CRACD: variants seen among roughly 807,000 people sequenced by gnomAD.
CRACD encodes the protein capping protein-inhibiting regulator of actin dynamics.
In CRACD, 56 loss-of-function variants were observed where a neutral mutation model predicts 106.8. The ratio of observed to expected loss-of-function variants is 0.52; its 90% confidence interval spans 0.42 to 0.66. The LOEUF (loss-of-function observed/expected upper bound fraction) is 0.66, where lower values mean the gene tolerates loss of function less well. CRACD is among the 30% of genes least tolerant of loss of function. CRACD has a pLI of 0.00. For missense variants in CRACD, 1,730 were observed against 1,623.2 expected, an observed-to-expected ratio of 1.07 and a Z score of -1.13; for synonymous variants, 754 against 670.8, an observed-to-expected ratio of 1.12 and a Z score of -1.92.
chr4:56,300,427 GTTCTAGC>G (rs1744303927), intron 4 of CRACD, among the ~76,000 whole-genome samples: 1 of 152,178 alleles, frequency 6.6e-6, no homozygotes, highest in East Asian at 1.9e-4. Flanking sequence ...TCCATTCTTG[GTTCTAGC>G]TGGCCGTGCT....
intron 1 of CRACD, among the ~76,000 whole-genome samples, chr4:56,143,399 T>C (rs2109880568): frequency 6.6e-6 from 1 of 152,246 alleles, no homozygotes; most frequent in African/African-American, 2.4e-5. Context: ...AGCTAAAATA[T>C]ATAAAACAAT....
chr4:56,233,842 A>C (rs1739788300), intron 2 of CRACD, among the ~76,000 whole-genome samples: 1 of 152,174 alleles, frequency 6.6e-6, no homozygotes, highest in South Asian at 2.1e-4. Context: ...ATATCTCTTC[A>C]ATTATTAAGT....
intron 2 of CRACD, among the ~76,000 whole-genome samples, chr4:56,240,853 A>G (rs1740327461): frequency 6.6e-6 from 1 of 152,144 alleles, no homozygotes; most frequent in Admixed American, 6.5e-5. Context: ...TTATTTCAGA[A>G]ACTTATTCTT....
chr4:56,205,473 T>C (rs1993916), intron 2 of CRACD, among the ~76,000 whole-genome samples: 69,903 of 151,736 alleles, frequency 0.46, 16,770 homozygotes, highest in East Asian at 0.72. Flanking sequence ...ATACCAAGCG[T>C]GCCCCGATAA....
chr4:56,259,841 A>G (rs61000253), intron 2 of CRACD, among the ~76,000 whole-genome samples: 74,583 of 151,948 alleles, frequency 0.49, 19,406 homozygotes, highest in East Asian at 0.77. Flanking sequence ...CTGCTGTACA[A>G]TGGAAGTGAG....
intron 3 of CRACD, among the ~76,000 whole-genome samples, chr4:56,287,071 T>C (rs983776938): frequency 8.5e-5 from 13 of 152,168 alleles, no homozygotes; most frequent in African/African-American, 3.1e-4. Flanking sequence ...TGTATTTTGA[T>C]GTATTTGCTG....
intron 2 of CRACD, among the ~76,000 whole-genome samples, chr4:56,239,750 A>G (rs1740247531): frequency 2.0e-5 from 3 of 152,198 alleles, no homozygotes; most frequent in African/African-American, 2.4e-5. Context: ...AGAGTCAGTG[A>G]GCATTCAGCT....
chr4:56,103,362 G>A (rs967241959), intron 1 of CRACD, among the ~76,000 whole-genome samples: 33 of 152,216 alleles, frequency 2.2e-4, no homozygotes, highest in Non-Finnish European at 2.4e-4. Context: ...AGCACTTTGG[G>A]ATGCCATTGC....
At chr4:56,092,891 A>G (rs1733470566) in intron 1 of CRACD, among the ~76,000 whole-genome samples, 1 of 152,202 alleles carries the variant, frequency 6.6e-6, no homozygotes, top group Admixed American at 6.5e-5. Flanking sequence ...GGTTATAGGC[A>G]TGAGCCACCA....
intron 2 of CRACD, among the ~76,000 whole-genome samples, chr4:56,216,579 T>C (rs373966838): frequency 6.6e-6 from 1 of 152,210 alleles, no homozygotes; most frequent in African/African-American, 2.4e-5. Flanking sequence ...GGTGTGTGTG[T>C]GTGTGACTGT....
intron 1 of CRACD, among the ~76,000 whole-genome samples, chr4:56,050,252 C>G (rs1212888293): frequency 6.8e-6 from 1 of 147,100 alleles, no homozygotes; most frequent in Non-Finnish European, 1.5e-5. Context: ...GGCTGGGAAA[C>G]TGATCTGGTG....
chr4:56,189,384 TTC>T (rs1737254514), intron 2 of CRACD, among the ~76,000 whole-genome samples: 1 of 152,136 alleles, frequency 6.6e-6, no homozygotes, highest in African/African-American at 2.4e-5. Flanking sequence ...TAAAAAGTAT[TTC>T]TTTTTTTAAA....
chr4:56,153,878 C>G (rs1325645348), intron 1 of CRACD, among the ~76,000 whole-genome samples: 4 of 152,222 alleles, frequency 2.6e-5, no homozygotes, highest in African/African-American at 9.6e-5. Context: ...TTGCCCCCTA[C>G]TCAGATGGGT....
At position 56,209,396 on chromosome 4, in the gene CRACD, T is replaced by C. The variant is rs112646003; in HGVS notation, c.-189+29966T>C. On this transcript the variant is annotated intron_variant, in intron 2 of 10. Coordinates refer to ENST00000682029, the MANE Select transcript of CRACD (RefSeq NM_001393381.1). Reference sequence around the variant, plus strand: ...TTAACAAACATACATTTTATGCCTTTATAACTTCCATCATCAAAAGCATAT... The same window carrying C: ...TTAACAAACATACATTTTATGCCTTCATAACTTCCATCATCAAAAGCATAT... 4.1e-3 allele frequency among the ~76,000 whole-genome samples: 622 copies of C among 152,234 alleles called. 8 individuals carry two copies. The highest frequency in any genetic ancestry group is 0.014 in the African/African-American group (597 of 41,566).
chr4:56,189,182 T>TCAAAAAAAAAAAAAC (rs1737242611), intron 2 of CRACD, among the ~76,000 whole-genome samples: 1 of 143,664 alleles, frequency 7.0e-6, no homozygotes, highest in Non-Finnish European at 1.5e-5. Context: ...AGCCACTGTC[T>TCAAAAAAAAAAAAAC]CAAAAAAAAA....
chr4:56,277,844 T>C (rs906713704), intron 3 of CRACD, among the ~76,000 whole-genome samples: 1 of 152,210 alleles, frequency 6.6e-6, no homozygotes, highest in African/African-American at 2.4e-5. Flanking sequence ...TGTATATCAA[T>C]TGTATTTCTG....
chr4:56,266,638 A>G lies in CRACD; in HGVS notation c.-188-5683A>G, dbSNP rs145851428. Among the ~76,000 whole-genome samples the G allele has an allele frequency of 8.9e-4, 135 of 152,338 alleles. No homozygotes were observed. In the Middle Eastern group the frequency reaches 0.014, roughly 15 times the overall value. On this transcript the variant is annotated intron_variant, in intron 2 of 10. Coordinates refer to ENST00000682029, the MANE Select transcript of CRACD (RefSeq NM_001393381.1). ...TCACTACATTGTTAAAATTGCTTCT[A>G]TCTTTTAGGCCCCATCTGTGTACCA...
At chr4:56,313,442 A>G in intron 7 of CRACD, 63 bp downstream of exon 7, 1 of 1,475,738 alleles carries the variant, frequency 6.8e-7, no homozygotes. Context: ...CTAATTCTAC[A>G]AGTGGGTTGG....
At chr4:56,159,520 C>T (rs1041604893) in intron 1 of CRACD, among the ~76,000 whole-genome samples, 3 of 151,826 alleles carry the variant, frequency 2.0e-5, no homozygotes, top group Non-Finnish European at 4.4e-5. Context: ...GGCGTGGTGG[C>T]GGGCGCCTGT....
Sources: allele counts gnomAD v4.1 joint callset (sites outside exome capture counted in the v4.1 genomes callset), GRCh38; gene constraint gnomAD v4.1.1; transcripts MANE v1.5; gene names NCBI Gene and HGNC (gene_info 2026-07-23, HGNC 2026-07-21).